Variants in STX16 observed in about 807,000 individuals in gnomAD.
The protein encoded by STX16 is syntaxin 16, also known as syntaxin-16.
STX16 carries 28 observed loss-of-function variants against 42.7 expected under a neutral mutation model. The observed-to-expected ratio is 0.66, with a 90% CI of 0.49 to 0.90. The LOEUF (loss-of-function observed/expected upper bound fraction) is 0.90, where lower values mean the gene tolerates loss of function less well. Ranked by LOEUF, STX16 falls within the 40% of genes least tolerant of loss-of-function variation. The pLI, the probability that STX16 is intolerant of heterozygous loss-of-function variation, is 0.00. For missense variants in STX16, 361 were observed against 420.9 expected, an observed-to-expected ratio of 0.86 and a Z score of 1.24; for synonymous variants, 156 against 155.2, an observed-to-expected ratio of 1.00 and a Z score of -0.04.
chr20:58,661,025 A>T (rs2083686077), intron 2 of STX16, among the ~76,000 whole-genome samples: 1 of 151,284 alleles, frequency 6.6e-6, no homozygotes, highest in African/African-American at 2.4e-5. Context: ...CCCATTCAGG[A>T]ACCTCACTGC....
intron 2 of STX16, among the ~76,000 whole-genome samples, chr20:58,664,663 G>A (rs1390352877): frequency 1.3e-5 from 2 of 152,198 alleles, no homozygotes; most frequent in Non-Finnish European, 2.9e-5. Context: ...GCTTCAAAGA[G>A]TTGTATTCAC....
In STX16 at chr20:58,676,343, G is replaced by C. The variant is rs779944067; in HGVS notation, c.*52G>C. On this transcript the variant is annotated 3_prime_UTR_variant, in exon 9 of 9. Coordinates refer to ENST00000371141, the MANE Select transcript of STX16 (RefSeq NM_001001433.3). The stretch of plus-strand genomic sequence containing the variant: ...CGCGTGTGGATCTCCCGGGTGTGAG[G>C]GGCTTGGCCTGCGCCCCGCCAGCTG... 1.3e-6 allele frequency: 2 copies of C among 1,532,576 alleles called. No homozygotes were observed. The highest frequency in any genetic ancestry group is 2.2e-5 in the South Asian group (2 of 89,178). 94.9% of individuals were successfully genotyped at this position (1,532,576 alleles called of 1,614,324 possible).
intron 7 of STX16, among the ~76,000 whole-genome samples, chr20:58,673,079 A>G (rs1187637367): frequency 6.6e-6 from 1 of 152,234 alleles, no homozygotes; most frequent in Non-Finnish European, 1.5e-5. Flanking sequence ...AGATTAAACA[A>G]TTAAACATCT....
intron 2 of STX16, among the ~76,000 whole-genome samples, chr20:58,662,111 C>T (rs1340218665): frequency 6.6e-6 from 1 of 152,218 alleles, no homozygotes; most frequent in Admixed American, 6.5e-5. Flanking sequence ...TGTTCTCTGT[C>T]TTTAATCTAC....
intron 1 of STX16, among the ~76,000 whole-genome samples, chr20:58,653,445 A>G (rs2083518135): frequency 6.6e-6 from 1 of 152,246 alleles, no homozygotes; most frequent in Admixed American, 6.5e-5. Context: ...ATGTAAACTC[A>G]GGTCAAACAG....
rs1472616317 is a variant in STX16, at chr20:58,673,708, C to T, written c.870C>T (p.His290=). ...IKTEDGLKQL[H]KAEQYQKKNR... ...CTGAAGATGGTTTGAAACAGCTTCA[C>T]AAGGTAATATGTCTTTCAAGACTTG... The change falls in exon 8 of 9, where the codon CAC becomes CAT. Residue 290 remains histidine, a synonymous_variant. Coordinates refer to ENST00000371141, the MANE Select transcript of STX16 (RefSeq NM_001001433.3). 1.9e-6 allele frequency: 3 copies of T among 1,606,586 alleles called. No homozygotes were observed. Among genetic ancestry groups the T allele is most frequent in the Non-Finnish European group, 1.7e-6 (2 of 1,173,358 alleles).
chr20:58,670,374 A>G, intron 5 of STX16, 138 bp from the exon 6 acceptor site: 1 of 636,596 alleles, frequency 1.6e-6, no homozygotes, highest in Non-Finnish European at 2.8e-6. Flanking sequence ...CCCCCATTGG[A>G]GATAGGCTTC....
intron 2 of STX16, chr20:58,667,115 G>A: frequency 3.3e-6 from 1 of 300,544 alleles, no homozygotes; most frequent in South Asian, 3.0e-5. Flanking sequence ...GAATCATTGA[G>A]GTTCATGCCG....
chr20:58,661,584 T>C (rs983964481), intron 2 of STX16, among the ~76,000 whole-genome samples: 1 of 152,282 alleles, frequency 6.6e-6, no homozygotes, highest in African/African-American at 2.4e-5. Context: ...CGTTATCTTT[T>C]TCATGAAGTG....
In STX16 at chr20:58,677,120, C is replaced by G. The variant is rs2084148617; in HGVS notation, c.*829C>G. 6.6e-6 allele frequency: 1 copy of G among 152,634 alleles called. No individual in the cohort carries two copies. Among genetic ancestry groups the G allele is most frequent in the African/African-American group, 2.4e-5 (1 of 41,442 alleles). 9.5% of individuals were successfully genotyped at this position (152,634 alleles called of 1,614,324 possible). ...AAGCTTGACAGTGTTATGAAAGCCA[C>G]CAGACTCAGCCAGTGTGTCCCCATG... On this transcript the variant is annotated 3_prime_UTR_variant, in exon 9 of 9. Transcript: ENST00000371141.
Position 58,679,061 on chromosome 20 carries a change from A to T in STX16, c.*2770A>T, listed in dbSNP as rs1406925865. The T allele has an allele frequency of 6.6e-6, 1 of 152,148 alleles. No individual in the cohort carries two copies. Among genetic ancestry groups the T allele is most frequent in the Non-Finnish European group, 1.5e-5 (1 of 68,026 alleles). 9.4% of individuals were successfully genotyped at this position (152,148 alleles called of 1,614,324 possible). On this transcript the variant is annotated 3_prime_UTR_variant, in exon 9 of 9. Coordinates refer to ENST00000371141, the MANE Select transcript of STX16 (RefSeq NM_001001433.3). ...TCCGGGTGCAGCTCAGGTTGAGTGG[A>T]GGTAGAAGGAGAAACAGACATGTTT... is the stretch of plus-strand genomic sequence containing the variant.
intron 2 of STX16, 130 bp downstream of exon 2, chr20:58,659,764 T>G: frequency 2.1e-6 from 2 of 965,216 alleles, no homozygotes; most frequent in Non-Finnish European, 3.1e-6. Flanking sequence ...TTGATTACTT[T>G]ATAATTTTTT....
In STX16 at chr20:58,669,290, G is replaced by A. The variant is rs763403566; in HGVS notation, c.394-1G>A. On this transcript the variant is annotated splice_acceptor_variant, in intron 4 of 8. Transcript: ENST00000371141. LOFTEE classifies it high-confidence loss of function. ...CCTGAGCCTCGGGCTTGTTCTCTTA[G>A]CTCTTCCACAGGTGCCAGCGTGCCG... 6.2e-7 allele frequency: 1 copy of A among 1,610,044 alleles called. No homozygotes were observed. The highest frequency in any genetic ancestry group is 1.1e-5 in the South Asian group (1 of 90,970).
Position 58,671,161 on chromosome 20 carries a change from C to G in STX16, c.656C>G (p.Thr219Arg). The change falls in exon 7 of 9, where the codon ACA (threonine) becomes AGA (arginine). Residue 219 changes from threonine to arginine, a missense_variant. Coordinates refer to ENST00000371141, the MANE Select transcript of STX16 (RefSeq NM_001001433.3). ...TGTGCACTGTCTTGCTAGGGTTTTA[C>G]AGAGGACCAGTTAGTTCTGGTGGAG... Reference protein sequence around the residue: ...DDNTLYHRGFTEDQLVLVEQN... With the variant: ...DDNTLYHRGFREDQLVLVEQN... The G allele has an allele frequency of 6.2e-7, 1 of 1,613,598 alleles. No individual in the cohort carries two copies. Among genetic ancestry groups the G allele is most frequent in the Non-Finnish European group, 8.5e-7 (1 of 1,179,720 alleles).
In STX16 at chr20:58,677,079, A is replaced by G. The variant is rs2084147394; in HGVS notation, c.*788A>G. 6.5e-6 allele frequency: 1 copy of G among 152,678 alleles called. No individual in the cohort carries two copies. Among genetic ancestry groups the G allele is most frequent in the African/African-American group, 2.4e-5 (1 of 41,462 alleles). 9.5% of individuals were successfully genotyped at this position (152,678 alleles called of 1,614,324 possible). A position where few individuals can be genotyped will look rare whatever the true frequency, so the allele number is the denominator to read the frequency against. Reference sequence around the variant, plus strand: ...AAATTTAAGTTGGTGATTTAAATGAATCTCACATTAAAAGAAAGCTTGACA... The same window carrying G: ...AAATTTAAGTTGGTGATTTAAATGAGTCTCACATTAAAAGAAAGCTTGACA... On this transcript the variant is annotated 3_prime_UTR_variant, in exon 9 of 9. Coordinates refer to ENST00000371141, the MANE Select transcript of STX16 (RefSeq NM_001001433.3).
At chr20:58,661,656 T>G (rs1443539657) in intron 2 of STX16, among the ~76,000 whole-genome samples, 1 of 152,256 alleles carries the variant, frequency 6.6e-6, no homozygotes, top group Non-Finnish European at 1.5e-5. Flanking sequence ...TCCACTCGTT[T>G]CTTGTCGGAT....
intron 1 of STX16, 132 bp downstream of exon 1, chr20:58,652,270 T>C: frequency 7.4e-7 from 1 of 1,343,678 alleles, no homozygotes; most frequent in Non-Finnish European, 1.0e-6. Flanking sequence ...ATAAGATCTC[T>C]TGGCTAGAGT....
intron 7 of STX16, among the ~76,000 whole-genome samples, chr20:58,671,765 G>A (rs1436307549): frequency 1.3e-5 from 2 of 152,054 alleles, no homozygotes; most frequent in East Asian, 3.9e-4. Context: ...TTAAATGAGA[G>A]GAATGCAATA....
chr20:58,664,062 T>G (rs1355805512), intron 2 of STX16, among the ~76,000 whole-genome samples: 1 of 152,232 alleles, frequency 6.6e-6, no homozygotes, highest in African/African-American at 2.4e-5. Context: ...ACCTGGCCAT[T>G]TTTTAAGATC....
Sources: allele counts gnomAD v4.1 joint callset (sites outside exome capture counted in the v4.1 genomes callset), GRCh38; gene constraint gnomAD v4.1.1; transcripts MANE v1.5; gene names NCBI Gene and HGNC (gene_info 2026-07-23, HGNC 2026-07-21).